Variants in MAP4K3 observed in about 807,000 individuals in gnomAD.
MAP4K3 encodes the protein mitogen-activated protein kinase kinase kinase kinase 3, also known as MAPK/ERK kinase kinase kinase 3.
In MAP4K3, 94 loss-of-function variants were observed where a neutral mutation model predicts 143.5. That is an observed-to-expected ratio of 0.65 (90% confidence interval 0.55 to 0.78). The LOEUF (loss-of-function observed/expected upper bound fraction) is 0.78, where lower values mean the gene tolerates loss of function less well. Ranked by LOEUF, MAP4K3 falls within the 30% of genes least tolerant of loss-of-function variation. The pLI is 0.00. For synonymous variants in MAP4K3, 416 were observed against 347.2 expected (o/e 1.20, Z -2.20); for missense variants, 1,077 against 1,068.1 (o/e 1.01, Z -0.12).
chr2:39,394,969 T>C (rs184084556), intron 1 of MAP4K3, among the ~76,000 whole-genome samples: 1 of 152,172 alleles, frequency 6.6e-6, no homozygotes, highest in Non-Finnish European at 1.5e-5. Context: ...AAAATCACAA[T>C]GTAACTCTTA....
chr2:39,314,433 T>C (rs572457983), intron 13 of MAP4K3, among the ~76,000 whole-genome samples: 1 of 152,338 alleles, frequency 6.6e-6, no homozygotes, highest in East Asian at 1.9e-4. Context: ...GATGCCATTT[T>C]CGGAAAAATA....
chr2:39,344,554 G>T (rs146786376), intron 3 of MAP4K3, among the ~76,000 whole-genome samples: 1 of 152,148 alleles, frequency 6.6e-6, no homozygotes, highest in Non-Finnish European at 1.5e-5. Context: ...GAGCTTAGTC[G>T]TGGTGACAGA....
chr2:39,350,859 C>G (rs1665436514), intron 3 of MAP4K3, among the ~76,000 whole-genome samples: 1 of 152,140 alleles, frequency 6.6e-6, no homozygotes, highest in African/African-American at 2.4e-5. Context: ...TCTACTCCAA[C>G]TACACGTGGC....
intron 1 of MAP4K3, among the ~76,000 whole-genome samples, chr2:39,397,696 C>G (rs980296506): frequency 6.6e-6 from 1 of 152,088 alleles, no homozygotes; most frequent in African/African-American, 2.4e-5. Context: ...GAAAACAGCT[C>G]TAACAATATA....
At chr2:39,404,903 G>A (rs962997941) in intron 1 of MAP4K3, among the ~76,000 whole-genome samples, 1 of 152,110 alleles carries the variant, frequency 6.6e-6, no homozygotes, top group African/African-American at 2.4e-5. Context: ...TTACAGGCTT[G>A]AGCCACCACA....
chr2:39,266,137 G>A (rs945139338), intron 27 of MAP4K3, among the ~76,000 whole-genome samples: 1 of 152,180 alleles, frequency 6.6e-6, no homozygotes, highest in Non-Finnish European at 1.5e-5. Flanking sequence ...CTCAGGTAGA[G>A]TCAAGTAAAT....
chr2:39,385,732 C>T lies in MAP4K3; in HGVS notation c.97-7609G>A, dbSNP rs570768492. Among the ~76,000 whole-genome samples, 9 of 150,998 alleles carry T rather than the reference C, an allele frequency of 6.0e-5. No homozygotes were observed. The East Asian group carries it at 9.8e-4, about 16-fold the overall frequency. On this transcript the variant is annotated intron_variant, in intron 1 of 33. Coordinates refer to ENST00000263881, the MANE Select transcript of MAP4K3 (RefSeq NM_003618.4). The stretch of plus-strand genomic sequence containing the variant: ...GCAACCTCCGCCTCCCGGGTTCAAG[C>T]GATTCTCCAGCCTCAGCCTCCCAAG...
In MAP4K3 at chr2:39,390,312, T is replaced by A. The variant is rs150978623; in HGVS notation, c.97-12189A>T. On this transcript the variant is annotated intron_variant, in intron 1 of 33. Transcript: ENST00000263881. The stretch of plus-strand genomic sequence containing the variant: ...AGCACCTACACTGAGAAATACGGTA[T>A]ACACCTACCAAAAAATGAAATTTAA... Among the ~76,000 whole-genome samples the A allele has an allele frequency of 4.6e-5, 7 of 152,276 alleles. No individual in the cohort carries two copies. In the East Asian group the frequency reaches 1.4e-3, roughly 29 times the overall value.
chr2:39,355,146 C>G (rs193097092), intron 3 of MAP4K3, among the ~76,000 whole-genome samples: 1 of 152,174 alleles, frequency 6.6e-6, no homozygotes, highest in East Asian at 1.9e-4. Flanking sequence ...AGGCAGATCA[C>G]GAGGTCAGGA....
intron 24 of MAP4K3, among the ~76,000 whole-genome samples, chr2:39,277,365 T>TA (rs1183421224): frequency 5.3e-5 from 8 of 152,234 alleles, no homozygotes; most frequent in Non-Finnish European, 1.2e-4. Flanking sequence ...CAAATGCCTC[T>TA]ACTCATCTCC....
chr2:39,335,740 G>A (rs575273574), intron 6 of MAP4K3, among the ~76,000 whole-genome samples: 64 of 152,202 alleles, frequency 4.2e-4, no homozygotes, highest in African/African-American at 1.3e-3. Context: ...AACTCCAAAA[G>A]CTCTTTATGT....
intron 8 of MAP4K3, 87 bp from the exon 9 acceptor site, chr2:39,326,364 T>A: frequency 6.8e-7 from 1 of 1,461,970 alleles, no homozygotes; most frequent in Non-Finnish European, 9.3e-7. Flanking sequence ...ATTATCACTA[T>A]CTAAATTAAG....
chr2:39,417,511 C>T (rs1667418361), intron 1 of MAP4K3, among the ~76,000 whole-genome samples: 1 of 151,746 alleles, frequency 6.6e-6, no homozygotes, highest in Non-Finnish European at 1.5e-5. Context: ...AGCCACCGCA[C>T]CCGCCCGAAA....
chr2:39,425,548 G>A (rs938483495), intron 1 of MAP4K3, among the ~76,000 whole-genome samples: 1 of 152,090 alleles, frequency 6.6e-6, no homozygotes, highest in African/African-American at 2.4e-5. Context: ...TATGAGAAGA[G>A]ACACCAGAAA....
intron 1 of MAP4K3, among the ~76,000 whole-genome samples, chr2:39,386,853 T>C (rs1666519550): frequency 6.8e-6 from 1 of 146,088 alleles, no homozygotes; most frequent in African/African-American, 2.6e-5. Flanking sequence ...TCTCACTCTG[T>C]TGCCCAGGCT....
At chr2:39,276,551 T>C (rs1432328551) in intron 24 of MAP4K3, among the ~76,000 whole-genome samples, 2 of 152,216 alleles carry the variant, frequency 1.3e-5, no homozygotes, top group Non-Finnish European at 1.5e-5. Flanking sequence ...TGAATAGCTA[T>C]GGAGTCTTTG....
At chr2:39,431,679 T>C (rs1665294596) in intron 1 of MAP4K3, among the ~76,000 whole-genome samples, 1 of 152,150 alleles carries the variant, frequency 6.6e-6, no homozygotes, top group Admixed American at 6.5e-5. Context: ...AGGCAAAGCA[T>C]GAGGAATGCA....
rs545615052 is a variant in MAP4K3 at position 39,430,182 on chromosome 2, T to G, written c.96+6710A>C. Among the ~76,000 whole-genome samples the G allele has an allele frequency of 5.3e-5, 8 of 152,294 alleles. No individual in the cohort carries two copies. In the South Asian group the frequency reaches 1.7e-3, roughly 32 times the overall value. On this transcript the variant is annotated intron_variant, in intron 1 of 33. Coordinates refer to ENST00000263881, the MANE Select transcript of MAP4K3 (RefSeq NM_003618.4). The stretch of plus-strand genomic sequence containing the variant: ...GCCTTACTATCATGGTGTATGTAGG[T>G]TAGCATACAGGCGATGAAGAGGAGA...
chr2:39,274,219 C>CA (rs1553403139), intron 24 of MAP4K3, among the ~76,000 whole-genome samples: 1 of 144,414 alleles, frequency 6.9e-6, no homozygotes, highest in Non-Finnish European at 1.5e-5. Flanking sequence ...TTCTTTCTCT[C>CA]TCTTTTTTTT....
Sources: allele counts gnomAD v4.1 joint callset (sites outside exome capture counted in the v4.1 genomes callset), GRCh38; gene constraint gnomAD v4.1.1; transcripts MANE v1.5; gene names NCBI Gene and HGNC (gene_info 2026-07-23, HGNC 2026-07-21).